MECOM: variants seen among roughly 807,000 people sequenced by gnomAD.
MECOM encodes histone-lysine N-methyltransferase MECOM.
MECOM carries 13 observed loss-of-function variants against 116.3 expected under a neutral mutation model. That is an observed-to-expected ratio of 0.11 (90% CI 0.07 to 0.18). The LOEUF (loss-of-function observed/expected upper bound fraction) is 0.18. Ranked by LOEUF, MECOM falls within the 10% of genes least tolerant of loss-of-function variation. The pLI, the probability that MECOM is intolerant of heterozygous loss-of-function variation, is 1.00. For synonymous variants in MECOM, 528 were observed against 535.2 expected (o/e 0.99, Z 0.19); for missense variants, 1,299 against 1,509.0 (o/e 0.86, Z 2.31).
chr3:169,436,045 A>G (rs1742572719), intron 1 of MECOM, among the ~76,000 whole-genome samples: 1 of 152,184 alleles, frequency 6.6e-6, no homozygotes, highest in Non-Finnish European at 1.5e-5. Flanking sequence ...CTGGAATTTC[A>G]ATTATCTTTC....
At position 169,630,510 on chromosome 3, in the gene MECOM, T is replaced by C. The variant is rs540741330; in HGVS notation, c.37+32826A>G. On this transcript the variant is annotated intron_variant, in intron 1 of 16. Transcript: ENST00000651503. ...TCTTGTTCCCCAGGCTGAAATACAG[T>C]GGTATGATCACAGCTCACTACAGCC... Among the ~76,000 whole-genome samples the C allele has an allele frequency of 8.7e-5, 13 of 149,758 alleles. No individual in the cohort carries two copies. In the East Asian group the frequency reaches 2.5e-3, roughly 29 times the overall value.
At chr3:169,159,739 A>G (rs1360538874) in intron 2 of MECOM, among the ~76,000 whole-genome samples, 3 of 152,186 alleles carry the variant, frequency 2.0e-5, no homozygotes, top group Non-Finnish European at 4.4e-5. Context: ...GAAGTTTAGG[A>G]TAGTGACTAA....
At position 169,150,470 on chromosome 3, in the gene MECOM, C is replaced by G. The variant is rs527279047; in HGVS notation, c.376-6638G>C. On this transcript the variant is annotated intron_variant, in intron 2 of 16. Transcript: ENST00000651503. ...CTGCTCAGCAGTAATCAGTAACATG[C>G]GTGTTCTGCAGTGTTTAGCACTGCC... is the stretch of plus-strand genomic sequence containing the variant. Among the ~76,000 whole-genome samples the G allele has an allele frequency of 5.9e-5, 9 of 152,312 alleles. No individual in the cohort carries two copies. The East Asian group carries it at 1.7e-3, about 29-fold the overall frequency.
intron 1 of MECOM, among the ~76,000 whole-genome samples, chr3:169,440,419 G>C (rs572527969): frequency 1.3e-5 from 2 of 152,078 alleles, no homozygotes; most frequent in Non-Finnish European, 1.5e-5. Flanking sequence ...AGGAAGCCTT[G>C]AAAGATGAGT....
intron 2 of MECOM, among the ~76,000 whole-genome samples, chr3:169,357,252 C>T (rs888724243): frequency 6.6e-6 from 1 of 151,866 alleles, no homozygotes; most frequent in Non-Finnish European, 1.5e-5. Context: ...AAGTGCTACA[C>T]ATCACAGATT....
At chr3:169,128,996 A>G (rs946110637) in intron 4 of MECOM, among the ~76,000 whole-genome samples, 2 of 152,196 alleles carry the variant, frequency 1.3e-5, no homozygotes, top group Non-Finnish European at 2.9e-5. Flanking sequence ...ACAATATGAC[A>G]CATAATCCCT....
intron 6 of MECOM, among the ~76,000 whole-genome samples, chr3:169,121,536 A>C (rs1380622511): frequency 6.6e-6 from 1 of 152,188 alleles, no homozygotes; most frequent in Non-Finnish European, 1.5e-5. Context: ...TTAAGCCATT[A>C]TTAAAACTGG....
At chr3:169,456,541 A>G (rs1056701220) in intron 1 of MECOM, among the ~76,000 whole-genome samples, 2 of 152,198 alleles carry the variant, frequency 1.3e-5, no homozygotes, top group Non-Finnish European at 2.9e-5. Flanking sequence ...AAAAGAAAAT[A>G]TAAAGTGCCA....
intron 2 of MECOM, among the ~76,000 whole-genome samples, chr3:169,240,306 A>G (rs1754625106): frequency 6.6e-6 from 1 of 152,212 alleles, no homozygotes; most frequent in African/African-American, 2.4e-5. Flanking sequence ...AGCATAGATG[A>G]GGAAGAAATG....
chr3:169,187,798 CTG>C, intron 2 of MECOM, among the ~76,000 whole-genome samples: 1 of 152,204 alleles, frequency 6.6e-6, no homozygotes, highest in African/African-American at 2.4e-5. Flanking sequence ...TTGTTTAAGA[CTG>C]TACATCCTTG....
At chr3:169,437,504 C>T (rs1742858720) in intron 1 of MECOM, among the ~76,000 whole-genome samples, 1 of 152,144 alleles carries the variant, frequency 6.6e-6, no homozygotes, top group Non-Finnish European at 1.5e-5. Flanking sequence ...ATAATATTCA[C>T]AAAAGCACCT....
At chr3:169,642,433 C>A (rs1173986192) in intron 1 of MECOM, among the ~76,000 whole-genome samples, 1 of 140,852 alleles carries the variant, frequency 7.1e-6, no homozygotes. Context: ...GGCAACAGAG[C>A]GAGACTCCAT....
At chr3:169,132,367 C>G (rs1439500448) in intron 3 of MECOM, among the ~76,000 whole-genome samples, 1 of 152,186 alleles carries the variant, frequency 6.6e-6, no homozygotes, top group Non-Finnish European at 1.5e-5. Flanking sequence ...TTAGGCAAGT[C>G]ATTGTCCAAC....
At chr3:169,516,539 T>C (rs1311567046) in intron 1 of MECOM, among the ~76,000 whole-genome samples, 18 of 152,196 alleles carry the variant, frequency 1.2e-4, no homozygotes, top group Non-Finnish European at 1.8e-4. Flanking sequence ...CATTTACTAC[T>C]GTGTAACCAA....
chr3:169,510,822 G>A (rs551309205), intron 1 of MECOM, among the ~76,000 whole-genome samples: 1 of 152,246 alleles, frequency 6.6e-6, no homozygotes, highest in East Asian at 1.9e-4. Context: ...GCAGGGAGAG[G>A]GGGGCAAATT....
chr3:169,192,485 G>A (rs9290361), intron 2 of MECOM, among the ~76,000 whole-genome samples: 13,432 of 151,906 alleles, frequency 0.088, 675 homozygotes, highest in South Asian at 0.2. Flanking sequence ...TGGCAAATGT[G>A]CTATGTTCTA....
At chr3:169,405,264 A>C (rs1212697119) in intron 1 of MECOM, among the ~76,000 whole-genome samples, 6 of 150,620 alleles carry the variant, frequency 4.0e-5, no homozygotes, top group Non-Finnish European at 7.4e-5. Context: ...TCTCTCTCTC[A>C]TTAGATCTTT....
At chr3:169,193,050 G>C (rs568721679) in intron 2 of MECOM, among the ~76,000 whole-genome samples, 12 of 152,082 alleles carry the variant, frequency 7.9e-5, no homozygotes, top group African/African-American at 2.4e-4. Flanking sequence ...CTAAGGGAGG[G>C]AGCAGACATG....
chr3:169,107,223 T>C lies in MECOM; in HGVS notation c.2604+703A>G, dbSNP rs547175344. Among the ~76,000 whole-genome samples, 44 of 152,304 alleles carry C rather than the reference T, an allele frequency of 2.9e-4. 2 individuals carry two copies. The East Asian group carries it at 7.7e-3, about 27-fold the overall frequency. On this transcript the variant is annotated intron_variant, in intron 10 of 16. Transcript: ENST00000651503. ...TATACTTAGAGAATATTTTTAACTA[T>C]ATGTTATTTCCACTGACCAGGTTTT...
Sources: allele counts gnomAD v4.1 joint callset (sites outside exome capture counted in the v4.1 genomes callset), GRCh38; gene constraint gnomAD v4.1.1; transcripts MANE v1.5; gene names NCBI Gene and HGNC (gene_info 2026-07-23, HGNC 2026-07-21).